The following CNTNAP4 variants were observed in gnomAD, a reference collection of about 807,000 sequenced individuals.
CNTNAP4 encodes the protein contactin-associated protein-like 4.
CNTNAP4 carries 98 observed loss-of-function variants against 148.4 expected under a neutral mutation model. The ratio of observed to expected loss-of-function variants is 0.66; its 90% CI spans 0.56 to 0.78. CNTNAP4 has a LOEUF of 0.78. Among genes scored for constraint, CNTNAP4 ranks in the 30% least tolerant of loss-of-function variants. CNTNAP4 has a pLI of 0.00. For synonymous variants in CNTNAP4, 730 were observed against 565.1 expected (o/e 1.29, Z -4.14); for missense variants, 1,935 against 1,565.6 (o/e 1.24, Z -3.98).
chr16:76,496,433 A>C (rs530650632), intron 14 of CNTNAP4, among the ~76,000 whole-genome samples: 2 of 152,142 alleles, frequency 1.3e-5, no homozygotes, highest in Non-Finnish European at 2.9e-5. Context: ...GCTAATGGTG[A>C]AGTAACTTGC....
chr16:76,553,706 A>C, intron 22 of CNTNAP4, 130 bp from the exon 23 acceptor site: 1 of 665,422 alleles, frequency 1.5e-6, no homozygotes, highest in Non-Finnish European at 2.6e-6. Context: ...ACATTGCTTA[A>C]ATTGAAAATA....
intron 15 of CNTNAP4, among the ~76,000 whole-genome samples, chr16:76,501,217 T>C (rs552894314): frequency 2.7e-4 from 41 of 152,352 alleles, no homozygotes; most frequent in African/African-American, 9.9e-4. Flanking sequence ...AGAAAAATTA[T>C]GTGCAAAGAG....
At position 76,560,451 on chromosome 16, in the gene CNTNAP4, A is replaced by G. The variant is rs190173711; in HGVS notation, c.*1768A>G. Among the ~76,000 whole-genome samples, 193 of 152,328 alleles carry G rather than the reference A, an allele frequency of 1.3e-3. No individual in the cohort carries two copies. The highest frequency in any genetic ancestry group is 1.3e-3 in the Non-Finnish European group (88 of 68,014). On this transcript the variant is annotated 3_prime_UTR_variant, in exon 24 of 24. Coordinates refer to ENST00000611870, the MANE Select transcript of CNTNAP4 (RefSeq NM_033401.5). ...TACTCTTTGTTTGATTGGAAGATCT[A>G]TGGTGACAAGGGAAGGATTTAACAT...
intron 2 of CNTNAP4, among the ~76,000 whole-genome samples, chr16:76,352,367 G>A (rs758070801): frequency 4.6e-5 from 7 of 152,176 alleles, no homozygotes; most frequent in Non-Finnish European, 7.3e-5. Flanking sequence ...GTAAACTACA[G>A]GGAGGGAAGT....
At chr16:76,517,702 T>C (rs951561875) in intron 15 of CNTNAP4, among the ~76,000 whole-genome samples, 4 of 152,212 alleles carry the variant, frequency 2.6e-5, no homozygotes, top group African/African-American at 9.6e-5. Flanking sequence ...TTCAGTAATA[T>C]AAAGTGTGCT....
At chr16:76,537,726 A>C (rs1437696451) in intron 18 of CNTNAP4, among the ~76,000 whole-genome samples, 1 of 152,116 alleles carries the variant, frequency 6.6e-6, no homozygotes, top group South Asian at 2.1e-4. Flanking sequence ...TATTTTGTAG[A>C]TAGGAGGCCC....
At chr16:76,325,995 G>T (rs1189001807) in intron 2 of CNTNAP4, among the ~76,000 whole-genome samples, 1 of 152,014 alleles carries the variant, frequency 6.6e-6, no homozygotes, top group Non-Finnish European at 1.5e-5. Flanking sequence ...TTTCAACAAA[G>T]AAAACTACAA....
chr16:76,405,516 A>G (rs1243530100), intron 3 of CNTNAP4, among the ~76,000 whole-genome samples: 2 of 152,204 alleles, frequency 1.3e-5, no homozygotes, highest in African/African-American at 2.4e-5. Flanking sequence ...TATGAGTTAT[A>G]TACTGTATTC....
At chr16:76,460,773 A>AAAAATAT in intron 8 of CNTNAP4, among the ~76,000 whole-genome samples, 10 of 57,328 alleles carry the variant, frequency 1.7e-4, no homozygotes, top group African/African-American at 6.4e-4. Flanking sequence ...AAAAAAAAAA[A>AAAAATAT]ATATATATAT....
At chr16:76,397,940 A>ATGTATG (rs1567998629) in intron 3 of CNTNAP4, among the ~76,000 whole-genome samples, 1 of 524 alleles carries the variant, frequency 1.9e-3, no homozygotes, top group East Asian at 0.028. Context: ...CTAATAGATT[A>ATGTATG]TATACATATA....
chr16:76,369,214 T>C (rs891505825), intron 3 of CNTNAP4, among the ~76,000 whole-genome samples: 3 of 152,188 alleles, frequency 2.0e-5, no homozygotes, highest in African/African-American at 4.8e-5. Flanking sequence ...TATTTTCCAA[T>C]GTGTGCAATA....
intron 3 of CNTNAP4, among the ~76,000 whole-genome samples, chr16:76,366,477 C>T (rs12924588): frequency 0.28 from 42,187 of 152,090 alleles, 6,380 homozygotes; most frequent in Non-Finnish European, 0.34. Flanking sequence ...TCTTTTCTTA[C>T]GGCTGCATAG....
At chr16:76,439,114 T>A (rs770247009) in intron 4 of CNTNAP4, among the ~76,000 whole-genome samples, 4 of 152,144 alleles carry the variant, frequency 2.6e-5, no homozygotes, top group Non-Finnish European at 4.4e-5. Flanking sequence ...GGATGGAGCA[T>A]CCTTGAGGCC....
intron 14 of CNTNAP4, among the ~76,000 whole-genome samples, chr16:76,496,107 G>GTGTGTGTGTGTGTGTGTGTA (rs1555576715): frequency 0.017 from 2,595 of 151,160 alleles, 36 homozygotes; most frequent in Non-Finnish European, 0.022. Flanking sequence ...GTGTGTGTGT[G>GTGTGTGTGTGTGTGTGTGTA]CGTGTATTTC....
chr16:76,403,053 G>A (rs557517325), intron 3 of CNTNAP4, among the ~76,000 whole-genome samples: 4 of 151,674 alleles, frequency 2.6e-5, no homozygotes, highest in East Asian at 3.9e-4. Context: ...CCATTAAAAC[G>A]CGGGAAAAGG....
intron 14 of CNTNAP4, among the ~76,000 whole-genome samples, chr16:76,496,584 T>A (rs937587305): frequency 1.3e-5 from 2 of 152,034 alleles, no homozygotes; most frequent in African/African-American, 4.8e-5. Context: ...ATCCCAGATA[T>A]AGAGATAGGA....
chr16:76,513,195 T>C (rs950388521), intron 15 of CNTNAP4, among the ~76,000 whole-genome samples: 2 of 152,170 alleles, frequency 1.3e-5, no homozygotes, highest in African/African-American at 4.8e-5. Flanking sequence ...ACACAGGTGA[T>C]GTTGCAGGAA....
At chr16:76,532,064 T>C (rs2084007271) in intron 17 of CNTNAP4, among the ~76,000 whole-genome samples, 1 of 152,214 alleles carries the variant, frequency 6.6e-6, no homozygotes, top group Non-Finnish European at 1.5e-5. Context: ...TGTAGTAATC[T>C]TGTGTTTCCC....
chr16:76,288,189 G>A (rs1958964942), intron 1 of CNTNAP4, among the ~76,000 whole-genome samples: 1 of 151,970 alleles, frequency 6.6e-6, no homozygotes, highest in South Asian at 2.1e-4. Flanking sequence ...CCTTCACTTG[G>A]CTCTCAGTCT....
Sources: gnomAD v4.1 joint callset for allele counts (sites outside exome capture counted in the v4.1 genomes callset) on GRCh38, gnomAD v4.1.1 for gene constraint, MANE v1.5 for transcripts, NCBI Gene and HGNC (gene_info 2026-07-23, HGNC 2026-07-21) for gene names.